SHISA9: variants seen among roughly 807,000 people sequenced by gnomAD.
The protein encoded by SHISA9 is shisa family member 9.
A neutral mutation model predicts 38.0 loss-of-function variants in SHISA9; 13 were observed. The observed-to-expected ratio is 0.34, with a 90% confidence interval of 0.22 to 0.54. The LOEUF (loss-of-function observed/expected upper bound fraction) is 0.54. Ranked by LOEUF, SHISA9 falls within the 20% of genes least tolerant of loss-of-function variation. The pLI is 0.91. For missense variants in SHISA9, 538 were observed against 575.8 expected (o/e 0.93, Z 0.67); for synonymous variants, 275 against 242.0 (o/e 1.14, Z -1.27).
chr16:12,965,004 T>G (rs553741594), intron 2 of SHISA9, among the ~76,000 whole-genome samples: 2 of 152,270 alleles, frequency 1.3e-5, no homozygotes, highest in South Asian at 4.1e-4. Flanking sequence ...TATATATATC[T>G]CCATGCACAT....
chr16:13,553,695 G>A, the SHISA9 span, among the ~76,000 whole-genome samples: 1 of 151,696 alleles, frequency 6.6e-6, no homozygotes, highest in East Asian at 1.9e-4. Flanking sequence ...AAAAAAAATC[G>A]TGCAACTGAA....
chr16:12,927,368 A>T (rs1038026781), intron 2 of SHISA9, among the ~76,000 whole-genome samples: 1 of 152,108 alleles, frequency 6.6e-6, no homozygotes, highest in African/African-American at 2.4e-5. Context: ...GCTCATACCA[A>T]GACTGCCAAT....
intron 2 of SHISA9, among the ~76,000 whole-genome samples, chr16:13,005,891 C>A (rs534813184): frequency 6.6e-6 from 1 of 152,246 alleles, no homozygotes; most frequent in South Asian, 2.1e-4. Flanking sequence ...TGCCACATGG[C>A]GGTTCTTGGG....
chr16:13,075,535 C>T (rs928821801), intron 2 of SHISA9, among the ~76,000 whole-genome samples: 20 of 152,266 alleles, frequency 1.3e-4, no homozygotes, highest in Middle Eastern at 3.4e-3. Context: ...CAGCTAGGGT[C>T]GTGGGCTCCC....
chr16:13,401,580 G>A, the SHISA9 span, among the ~76,000 whole-genome samples: 1 of 151,868 alleles, frequency 6.6e-6, no homozygotes, highest in African/African-American at 2.4e-5. Flanking sequence ...ATCCTTTAGG[G>A]TTGGTGCCCT....
chr16:13,021,775 C>T (rs942302313), intron 2 of SHISA9, among the ~76,000 whole-genome samples: 3 of 152,160 alleles, frequency 2.0e-5, no homozygotes. Flanking sequence ...TATTATAACA[C>T]TTATGACACT....
At chr16:13,272,222 T>A in the SHISA9 span, among the ~76,000 whole-genome samples, 2 of 152,036 alleles carry the variant, frequency 1.3e-5, no homozygotes, top group African/African-American at 4.8e-5. Context: ...GCTCAATAAA[T>A]TTTTTTATAA....
chr16:13,542,762 T>G, the SHISA9 span, among the ~76,000 whole-genome samples: 1 of 152,288 alleles, frequency 6.6e-6, no homozygotes. Flanking sequence ...AAAGGGAGAT[T>G]TGCTGGATTT....
the SHISA9 span, among the ~76,000 whole-genome samples, chr16:13,515,390 A>G: frequency 1.3e-5 from 2 of 152,210 alleles, no homozygotes; most frequent in African/African-American, 2.4e-5. Flanking sequence ...TACATGGTGT[A>G]TATACATGAT....
chr16:12,917,770 C>G (rs2071277891), intron 2 of SHISA9, among the ~76,000 whole-genome samples: 1 of 152,172 alleles, frequency 6.6e-6, no homozygotes, highest in African/African-American at 2.4e-5. Flanking sequence ...GCTGGAGGTT[C>G]CTGAAAACAG....
At chr16:13,018,427 G>T (rs1358112471) in intron 2 of SHISA9, among the ~76,000 whole-genome samples, 1 of 152,138 alleles carries the variant, frequency 6.6e-6, no homozygotes, top group Non-Finnish European at 1.5e-5. Flanking sequence ...CCTACTCTCA[G>T]TCTGTCTACC....
the SHISA9 span, among the ~76,000 whole-genome samples, chr16:13,351,093 C>T: frequency 2.6e-5 from 4 of 152,180 alleles, no homozygotes; most frequent in African/African-American, 9.6e-5. Flanking sequence ...ATTTTCAAAA[C>T]AATCCCCATC....
intron 1 of SHISA9, chr16:12,909,568 A>C (rs2071152242): frequency 1.0e-6 from 1 of 985,212 alleles, no homozygotes; most frequent in Non-Finnish European, 1.2e-6. Flanking sequence ...TGGATAAGCT[A>C]AGCTCATTCC....
At chr16:13,082,832 A>G (rs1276574800) in intron 2 of SHISA9, among the ~76,000 whole-genome samples, 1 of 152,230 alleles carries the variant, frequency 6.6e-6, no homozygotes, top group African/African-American at 2.4e-5. Flanking sequence ...AATAGGAATA[A>G]GGAAAAGATG....
the SHISA9 span, among the ~76,000 whole-genome samples, chr16:13,529,594 A>G: frequency 1.3e-5 from 2 of 152,222 alleles, no homozygotes; most frequent in Non-Finnish European, 2.9e-5. Flanking sequence ...ACTCAAGGCT[A>G]CTTTGGTTTG....
the SHISA9 span, among the ~76,000 whole-genome samples, chr16:13,271,953 C>G: frequency 6.6e-6 from 1 of 152,042 alleles, no homozygotes; most frequent in Non-Finnish European, 1.5e-5. Flanking sequence ...GTAGCAGGCA[C>G]CTGTAATCCC....
At chr16:12,986,032 C>T (rs1429526843) in intron 2 of SHISA9, among the ~76,000 whole-genome samples, 1 of 152,144 alleles carries the variant, frequency 6.6e-6, no homozygotes, top group Non-Finnish European at 1.5e-5. Flanking sequence ...TGTGGGACTT[C>T]GATTAAAGGC....
the SHISA9 span, among the ~76,000 whole-genome samples, chr16:13,512,251 C>A: frequency 6.6e-6 from 1 of 151,924 alleles, no homozygotes. Context: ...AATGCAAATC[C>A]CTGGTAATTG....
intron 2 of SHISA9, among the ~76,000 whole-genome samples, chr16:12,978,245 C>T (rs981731699): frequency 3.3e-5 from 5 of 152,202 alleles, no homozygotes; most frequent in Admixed American, 6.5e-5. Context: ...ATAGAATCAT[C>T]CAACAGCTTA....
Sources: allele counts gnomAD v4.1 joint callset (sites outside exome capture counted in the v4.1 genomes callset), GRCh38; gene constraint gnomAD v4.1.1; transcripts MANE v1.5; gene names NCBI Gene and HGNC (gene_info 2026-07-23, HGNC 2026-07-21).